GNA14: variants seen among roughly 807,000 people sequenced by gnomAD.
The protein encoded by GNA14 is G protein subunit alpha 14.
A neutral mutation model predicts 42.0 loss-of-function variants in GNA14; 50 were observed. The ratio of observed to expected loss-of-function variants is 1.19; its 90% CI spans 0.95 to 1.51. The LOEUF (loss-of-function observed/expected upper bound fraction) is 1.51. Among genes scored for constraint, GNA14 ranks in the 40% most tolerant of loss-of-function variants. GNA14 has a pLI of 0.00. For synonymous variants in GNA14, 173 were observed against 163.1 expected, an observed-to-expected ratio of 1.06 and a Z score of -0.46; for missense variants, 473 against 446.2, an observed-to-expected ratio of 1.06 and a Z score of -0.54.
intron 1 of GNA14, among the ~76,000 whole-genome samples, chr9:77,540,475 T>C (rs1323936432): frequency 6.6e-6 from 1 of 152,170 alleles, no homozygotes; most frequent in Non-Finnish European, 1.5e-5. Context: ...TTTCTAAATG[T>C]CTGTTTGGTC....
chr9:77,468,599 T>G (rs1025840027), intron 2 of GNA14, among the ~76,000 whole-genome samples: 1 of 152,236 alleles, frequency 6.6e-6, no homozygotes, highest in Admixed American at 6.5e-5. Flanking sequence ...TATCTTCCCC[T>G]GTGCTTCTTG....
rs766501518 is a variant in GNA14 at position 77,425,561 on chromosome 9, C to G, written c.877+1G>C. 18 of 1,597,316 alleles carry G rather than the reference C, an allele frequency of 1.1e-5. No individual in the cohort carries two copies. Among genetic ancestry groups the G allele is most frequent in the Non-Finnish European group, 1.5e-5 (17 of 1,169,314 alleles). ...ACACTGTCCACAAGATAGACACTTA[C>G]CTGTGTATTCTGGGAAATAGCTAAT... On this transcript the variant is annotated splice_donor_variant, in intron 6 of 6. Transcript: ENST00000341700. LOFTEE classifies it high-confidence loss of function.
chr9:77,643,804 T>C (rs1438502838), intron 1 of GNA14, among the ~76,000 whole-genome samples: 4 of 152,196 alleles, frequency 2.6e-5, no homozygotes, highest in South Asian at 4.1e-4. Context: ...CAAACTTCTA[T>C]GCAACCCACA....
At chr9:77,469,760 G>C (rs757849464) in intron 2 of GNA14, among the ~76,000 whole-genome samples, 66 of 152,300 alleles carry the variant, frequency 4.3e-4, no homozygotes, top group Admixed American at 1.7e-3. Context: ...GCTATAAAGA[G>C]ACAGTCTTGG....
chr9:77,639,065 T>C (rs1490809998), intron 1 of GNA14, among the ~76,000 whole-genome samples: 1 of 152,260 alleles, frequency 6.6e-6, no homozygotes, highest in Non-Finnish European at 1.5e-5. Context: ...TTTTAGTTTT[T>C]GAGTTTGCCT....
intron 1 of GNA14, among the ~76,000 whole-genome samples, chr9:77,584,667 A>G (rs1772924): frequency 0.89 from 131,512 of 147,506 alleles, 59,433 homozygotes; most frequent in East Asian, 1. Flanking sequence ...CATGCAAGAA[A>G]GAATTCAGGG....
At chr9:77,509,876 G>C (rs991878373) in intron 2 of GNA14, among the ~76,000 whole-genome samples, 6 of 152,170 alleles carry the variant, frequency 3.9e-5, no homozygotes, top group African/African-American at 1.4e-4. Context: ...CAACAACAGT[G>C]GGGCAAACTG....
intron 2 of GNA14, among the ~76,000 whole-genome samples, chr9:77,447,120 C>T (rs760284293): frequency 1.3e-5 from 2 of 152,006 alleles, no homozygotes; most frequent in African/African-American, 2.4e-5. Flanking sequence ...CACACCACCA[C>T]GCCGAGTAGA....
chr9:77,553,413 A>G (rs942852830), intron 1 of GNA14, among the ~76,000 whole-genome samples: 1 of 152,178 alleles, frequency 6.6e-6, no homozygotes, highest in Admixed American at 6.5e-5. Context: ...GCACATCAAA[A>G]TCAATCCCAG....
At chr9:77,466,323 G>A (rs191809441) in intron 2 of GNA14, among the ~76,000 whole-genome samples, 42 of 152,216 alleles carry the variant, frequency 2.8e-4, no homozygotes, top group African/African-American at 1.0e-3. Context: ...TCTTTAGAAT[G>A]CATAATCTCT....
chr9:77,625,216 T>C (rs913994270), intron 1 of GNA14, among the ~76,000 whole-genome samples: 5 of 151,706 alleles, frequency 3.3e-5, no homozygotes, highest in Admixed American at 2.0e-4. Context: ...TGAAAAGGAA[T>C]GAATAAAGCC....
intron 2 of GNA14, among the ~76,000 whole-genome samples, chr9:77,498,321 C>T (rs980170378): frequency 2.3e-5 from 3 of 132,732 alleles, no homozygotes; most frequent in South Asian, 2.3e-4. Flanking sequence ...TGCAGTGAGC[C>T]GAGATCGCAC....
intron 6 of GNA14, among the ~76,000 whole-genome samples, chr9:77,425,297 C>T (rs1045649070): frequency 6.6e-6 from 1 of 152,082 alleles, no homozygotes; most frequent in Non-Finnish European, 1.5e-5. Flanking sequence ...AAGGGGAGGC[C>T]TTTGCTGGGT....
chr9:77,583,693 A>T (rs1823260817), intron 1 of GNA14, among the ~76,000 whole-genome samples: 1 of 152,094 alleles, frequency 6.6e-6, no homozygotes. Flanking sequence ...CACTCCAAAA[A>T]ATCCTTGATC....
rs375594224 is a variant in GNA14, at chr9:77,529,168, C to T, written c.210G>A (p.Gly70=). 15 of 1,613,802 alleles carry T rather than the reference C, an allele frequency of 9.3e-6. No individual in the cohort carries two copies. Among genetic ancestry groups the T allele is most frequent in the African/African-American group, 2.7e-5 (2 of 74,894 alleles). ...TGTTTTGGTAAACCAGCTTCGTGAA[C>T]CCCTTTCTGTCTTCGTCGCTGTAAC... ...GSGYSDEDRK[G]FTKLVYQNIF... The change falls in exon 2 of 7, where the codon GGG becomes GGA. Residue 70 remains glycine (G), a synonymous_variant. Transcript: ENST00000341700.
At chr9:77,638,557 G>A (rs144503300) in intron 1 of GNA14, among the ~76,000 whole-genome samples, 224 of 152,266 alleles carry the variant, frequency 1.5e-3, no homozygotes, top group African/African-American at 5.1e-3. Flanking sequence ...AAGACCCAGA[G>A]GTAACAAATG....
chr9:77,632,433 T>C (rs909158359), intron 1 of GNA14, among the ~76,000 whole-genome samples: 1 of 152,272 alleles, frequency 6.6e-6, no homozygotes, highest in South Asian at 2.1e-4. Flanking sequence ...TGGCCACCCA[T>C]GGACCAATCG....
chr9:77,619,130 A>G (rs1014998591), intron 1 of GNA14, among the ~76,000 whole-genome samples: 2 of 152,136 alleles, frequency 1.3e-5, no homozygotes, highest in Non-Finnish European at 2.9e-5. Context: ...ACTGAACTGT[A>G]AGAGAAGATA....
At chr9:77,517,963 C>T (rs1837287594) in intron 2 of GNA14, 1 of 151,958 alleles carries the variant, frequency 6.6e-6, no homozygotes, top group African/African-American at 2.4e-5. Flanking sequence ...TGAAGTAAAA[C>T]AGCTTATATT....
Sources: allele counts gnomAD v4.1 joint callset (sites outside exome capture counted in the v4.1 genomes callset), GRCh38; gene constraint gnomAD v4.1.1; transcripts MANE v1.5; gene names NCBI Gene and HGNC (gene_info 2026-07-23, HGNC 2026-07-21).